Variants in MAGEC3 observed in about 807,000 individuals in gnomAD.
MAGEC3 encodes melanoma-associated antigen C3.
In MAGEC3, 34 loss-of-function variants were observed where a neutral mutation model predicts 35.3. The ratio of observed to expected loss-of-function variants is 0.96; its 90% CI spans 0.73 to 1.28. The LOEUF (loss-of-function observed/expected upper bound fraction) is 1.28, where lower values mean the gene tolerates loss of function less well. Ranked by LOEUF, MAGEC3 falls within the 50% of genes most tolerant of loss-of-function variation. The pLI is 0.00. For synonymous variants in MAGEC3, 202 were observed against 185.6 expected (o/e 1.09, Z -0.72); for missense variants, 561 against 483.6 (o/e 1.16, Z -1.50).
At chrX:141,869,679 T>C (rs1035116991) in intron 2 of MAGEC3, among the ~76,000 whole-genome samples, 2 of 112,161 alleles carry the variant, frequency 1.8e-5, no homozygotes, top group East Asian at 5.6e-4. Context: ...TTATAAATCA[T>C]GTTTTGAAGA....
chrX:141,847,684 A>T (rs1418883193), intron 1 of MAGEC3, among the ~76,000 whole-genome samples: 1 of 111,175 alleles, frequency 9.0e-6, no homozygotes, highest in East Asian at 2.8e-4. Context: ...ATAAAACCAA[A>T]TATCAGAATT....
intron 2 of MAGEC3, among the ~76,000 whole-genome samples, chrX:141,868,920 C>T (rs2017868796): frequency 9.2e-6 from 1 of 109,043 alleles, no homozygotes; most frequent in South Asian, 3.9e-4. Context: ...CTCGCTCTTT[C>T]ACCCAGGCGG....
intron 4 of MAGEC3, among the ~76,000 whole-genome samples, chrX:141,883,185 C>T (rs751920526): frequency 1.8e-5 from 2 of 111,979 alleles, no homozygotes; most frequent in South Asian, 3.7e-4. Context: ...AGAAATAAGG[C>T]GATAATTCCT....
Position 141,874,656 on chromosome X carries a change from CT to C in MAGEC3, c.259-4515del, listed in dbSNP as rs202042399. 8.6e-3 allele frequency among the ~76,000 whole-genome samples: 956 copies of C among 111,104 alleles called. 12 individuals are homozygous for C. Among genetic ancestry groups the C allele is most frequent in the African/African-American group, 0.03 (905 of 30,555 alleles). ...AGTAAAACAGGATACCACTACACAT[CT>C]TTTAGAGTGGCTAAAATCAAAATGC... On this transcript the variant is annotated intron_variant, in intron 2 of 7. Coordinates refer to ENST00000298296, the MANE Select transcript of MAGEC3 (RefSeq NM_138702.1).
At chrX:141,890,239 C>T (rs1184483173) in intron 4 of MAGEC3, among the ~76,000 whole-genome samples, 1 of 111,215 alleles carries the variant, frequency 9.0e-6, no homozygotes, top group African/African-American at 3.3e-5. Flanking sequence ...GAGTCTCGCT[C>T]TGTCACCCAG....
chrX:141,852,429 T>G (rs2124088889), intron 1 of MAGEC3, among the ~76,000 whole-genome samples: 1 of 110,656 alleles, frequency 9.0e-6, no homozygotes, highest in Admixed American at 9.7e-5. Flanking sequence ...TTTGGATGCC[T>G]TTTCCTCCTT....
Position 141,865,500 on chromosome X carries a change from T to C in MAGEC3, c.153T>C (p.Tyr51=). The change falls in exon 2 of 8, where the codon TAT becomes TAC. Residue 51 remains tyrosine (Y), a synonymous_variant. Coordinates refer to ENST00000298296, the MANE Select transcript of MAGEC3 (RefSeq NM_138702.1). ...QPRKKATDKD[Y]SAFHLGHLRE... is the part of the protein sequence containing the mutation. Reference sequence around the variant, plus strand: ...GGAAAAAGGCCACAGATAAGGACTATTCTGCCTTTCATCTTGGGCATCTGA... The same window carrying C: ...GGAAAAAGGCCACAGATAAGGACTACTCTGCCTTTCATCTTGGGCATCTGA... The C allele has an allele frequency of 8.3e-7, 1 of 1,211,057 alleles. No individual in the cohort carries two copies. The highest frequency in any genetic ancestry group is 1.1e-6 in the Non-Finnish European group (1 of 895,205).
chrX:141,842,611 T>C (rs60394126), intron 1 of MAGEC3, among the ~76,000 whole-genome samples: 4,203 of 111,167 alleles, frequency 0.038, 118 homozygotes, highest in African/African-American at 0.09. Flanking sequence ...TTCATGGCCT[T>C]TGTGATTTTC....
chrX:141,886,596 T>A, intron 4 of MAGEC3, among the ~76,000 whole-genome samples: 1 of 110,265 alleles, frequency 9.1e-6, no homozygotes. Flanking sequence ...CTTTTGGAGG[T>A]GAGATAGTTA....
At chrX:141,838,661 A>G (rs1181921803) in intron 1 of MAGEC3, 4 of 750,288 alleles carry the variant, frequency 5.3e-6, no homozygotes, top group Non-Finnish European at 6.3e-6. Context: ...TCAGACATTT[A>G]GTTTGCACCT....
intron 3 of MAGEC3, chrX:141,880,749 C>T: frequency 2.3e-6 from 2 of 867,040 alleles, no homozygotes; most frequent in Non-Finnish European, 3.3e-6. Context: ...TTCTCACATC[C>T]TCCTACAGGT....
chrX:141,886,452 C>T lies in MAGEC3; in HGVS notation c.909+4656C>T, dbSNP rs760382628. Among the ~76,000 whole-genome samples, 11 of 110,933 alleles carry T rather than the reference C, an allele frequency of 9.9e-5. No homozygotes were observed. In the East Asian group the frequency reaches 2.9e-3, roughly 29 times the overall value. ...ATCCTTCCCCAAGGACACCTCTGGC[C>T]TTCTACTAGGGTAACTGTGCACTGG... On this transcript the variant is annotated intron_variant, in intron 4 of 7. Transcript: ENST00000298296.
chrX:141,856,606 C>T (rs1261175898), intron 1 of MAGEC3, among the ~76,000 whole-genome samples: 21 of 111,340 alleles, frequency 1.9e-4, no homozygotes. Flanking sequence ...AAAAGATTCT[C>T]ATGTTCATTG....
At position 141,879,346 on chromosome X, in the gene MAGEC3, C is replaced by T. The variant is rs1409638375; in HGVS notation, c.430C>T (p.Pro144Ser). 4.2e-6 allele frequency: 5 copies of T among 1,200,834 alleles called. No individual in the cohort carries two copies. Among genetic ancestry groups the T allele is most frequent in the Non-Finnish European group, 5.6e-6 (5 of 889,944 alleles). ...AACTCTGTGGAAGGACAGTGACCTT[C>T]CAACATGGAGGAGAGGCACAGGCTA... is the stretch of plus-strand genomic sequence containing the variant. ...KRTLWKDSDLPTWRRGTGYTL... is the reference protein window; with the variant it reads ...KRTLWKDSDLSTWRRGTGYTL... The change falls in exon 3 of 8, where the codon CCA becomes TCA. Residue 144 changes from proline to serine, a missense_variant. Transcript: ENST00000298296.
intron 1 of MAGEC3, among the ~76,000 whole-genome samples, chrX:141,860,320 C>A (rs149574215): frequency 3.0e-4 from 33 of 111,206 alleles, no homozygotes; most frequent in African/African-American, 9.5e-4. Context: ...CCTCTTGATT[C>A]GAATAAATGG....
intron 4 of MAGEC3, among the ~76,000 whole-genome samples, chrX:141,885,679 A>G (rs1180367163): frequency 9.2e-6 from 1 of 108,414 alleles, no homozygotes; most frequent in African/African-American, 3.3e-5. Flanking sequence ...AAAAAAAAAA[A>G]AAAAAAAAAG....
At chrX:141,858,526 T>C (rs965273302) in intron 1 of MAGEC3, among the ~76,000 whole-genome samples, 12 of 111,539 alleles carry the variant, frequency 1.1e-4, no homozygotes, top group African/African-American at 3.6e-4. Context: ...TGACTTTATT[T>C]TATTTACATA....
chrX:141,881,316 C>T (rs2017962111), intron 3 of MAGEC3, 87 bp from the exon 4 acceptor site: 1 of 1,097,321 alleles, frequency 9.1e-7, no homozygotes, highest in Non-Finnish European at 1.2e-6. Flanking sequence ...TCCAGGGTTC[C>T]CTGTCCTGCT....
At chrX:141,881,284 G>T in intron 3 of MAGEC3, 119 bp from the exon 4 acceptor site, 1 of 861,411 alleles carries the variant, frequency 1.2e-6, no homozygotes, top group East Asian at 3.2e-5. Flanking sequence ...GAATCCTCCT[G>T]AGAGTCCTCC....
Sources: gnomAD v4.1 joint callset for allele counts (sites outside exome capture counted in the v4.1 genomes callset) on GRCh38, gnomAD v4.1.1 for gene constraint, MANE v1.5 for transcripts, NCBI Gene and HGNC (gene_info 2026-07-23, HGNC 2026-07-21) for gene names.